Variants in RBFOX2 observed in about 807,000 individuals in gnomAD.
RBFOX2 encodes the protein RNA binding protein fox-1 homolog 2.
Under a neutral mutation model 49.1 loss-of-function variants are expected in RBFOX2, and 10 were observed. The observed-to-expected ratio is 0.20, with a 90% CI of 0.13 to 0.35. RBFOX2 has a LOEUF of 0.35. Among genes scored for constraint, RBFOX2 ranks in the 10% least tolerant of loss-of-function variants. RBFOX2 has a pLI of 1.00. For synonymous variants in RBFOX2, 183 were observed against 187.4 expected (o/e 0.98, Z 0.19); for missense variants, 323 against 486.9 (o/e 0.66, Z 3.17).
chr22:35,987,962 A>C (rs945718712), intron 1 of RBFOX2, among the ~76,000 whole-genome samples: 4 of 152,220 alleles, frequency 2.6e-5, no homozygotes, highest in Admixed American at 1.3e-4. Context: ...AATAAAACTT[A>C]TTCTGTAAAT....
intron 2 of RBFOX2, among the ~76,000 whole-genome samples, chr22:35,804,080 C>T (rs1161317167): frequency 6.6e-6 from 1 of 152,108 alleles, no homozygotes; most frequent in African/African-American, 2.4e-5. Flanking sequence ...GTGTTTGAGA[C>T]CAGCCTGGCC....
chr22:35,842,490 G>C (rs2040631293), upstream of RBFOX2, among the ~76,000 whole-genome samples: 3 of 152,120 alleles, frequency 2.0e-5, no homozygotes, highest in Non-Finnish European at 4.4e-5. Context: ...GCAGAAAATG[G>C]GCAGGTGAGT....
intron 4 of RBFOX2, among the ~76,000 whole-genome samples, chr22:35,769,031 T>C (rs1377006071): frequency 1.3e-5 from 2 of 152,228 alleles, no homozygotes; most frequent in African/African-American, 2.4e-5. Context: ...TGGTCAATTA[T>C]AACTTTTCTT....
intron 1 of RBFOX2, among the ~76,000 whole-genome samples, chr22:35,937,613 C>G (rs559806114): frequency 2.0e-5 from 3 of 152,214 alleles, no homozygotes; most frequent in Admixed American, 6.5e-5. Flanking sequence ...GTTTTTGAGA[C>G]AAAGTCTCGC....
chr22:35,967,346 C>T (rs2056620899), intron 1 of RBFOX2, among the ~76,000 whole-genome samples: 1 of 150,650 alleles, frequency 6.6e-6, no homozygotes, highest in Admixed American at 6.6e-5. Flanking sequence ...CCACCGCACT[C>T]TAGCCTGGGC....
At chr22:35,927,575 GCCGGGGCAA>G (rs1311591615) in intron 1 of RBFOX2, among the ~76,000 whole-genome samples, 3 of 139,100 alleles carry the variant, frequency 2.2e-5, no homozygotes, top group Admixed American at 8.1e-5. Context: ...TTGCACTCCA[GCCGGGGCAA>G]CAAGAGTGAA....
At chr22:35,952,390 C>CA (rs2055051184) in intron 1 of RBFOX2, among the ~76,000 whole-genome samples, 2 of 152,088 alleles carry the variant, frequency 1.3e-5, no homozygotes, top group South Asian at 2.1e-4. Flanking sequence ...GGAGACCCCC[C>CA]AAAAAAACCT....
Position 35,776,932 on chromosome 22 carries a change from T to C in RBFOX2, c.453+1093A>G, listed in dbSNP as rs531065516. Among the ~76,000 whole-genome samples, 18 of 152,312 alleles carry C rather than the reference T, an allele frequency of 1.2e-4. No homozygotes were observed. In the South Asian group the frequency reaches 2.5e-3, roughly 21 times the overall value. ...GTAAGTCTTTGCCATTCCCTTGTTC[T>C]TAAAAACATTGCTGTTTCTTTTAAT... On this transcript the variant is annotated intron_variant, in intron 4 of 11. Coordinates refer to ENST00000405409, the Ensembl canonical transcript of RBFOX2.
intron 1 of RBFOX2, among the ~76,000 whole-genome samples, chr22:35,880,149 A>AG (rs1229606546): frequency 6.6e-6 from 1 of 151,204 alleles, no homozygotes; most frequent in Non-Finnish European, 1.5e-5. Context: ...AGCGAGACTG[A>AG]GGAAAAAAAA....
chr22:35,846,849 T>A (rs1298772008), intron 1 of RBFOX2, among the ~76,000 whole-genome samples: 1 of 152,162 alleles, frequency 6.6e-6, no homozygotes, highest in Admixed American at 6.5e-5. Flanking sequence ...CCCTAAACCC[T>A]CAAATCAGGA....
In RBFOX2 at chr22:35,863,034, C is replaced by G. The variant is rs549038605; in HGVS notation, c.-33-53030G>C. ...TCTGAGGAATAAGTGGCCTCAACAG[C>G]AGGCAGAAAGCATATAAAGAACTAG... On this transcript the variant is annotated intron_variant, in intron 1 of 13. Transcript: ENST00000359369. Among the ~76,000 whole-genome samples the G allele has an allele frequency of 4.9e-4, 74 of 152,206 alleles. 1 individual carries two copies. Among genetic ancestry groups the G allele is most frequent in the South Asian group, 3.5e-3 (17 of 4,818 alleles).
At chr22:35,934,256 T>C (rs1011491279) in intron 1 of RBFOX2, among the ~76,000 whole-genome samples, 1 of 151,956 alleles carries the variant, frequency 6.6e-6, no homozygotes, top group Non-Finnish European at 1.5e-5. Flanking sequence ...CACATCTATA[T>C]ATAAGGATCT....
intron 1 of RBFOX2, among the ~76,000 whole-genome samples, chr22:35,834,405 T>C (rs994372309): frequency 6.6e-6 from 1 of 152,200 alleles, no homozygotes; most frequent in African/African-American, 2.4e-5. Context: ...TTCTACACAC[T>C]GGGAATACAA....
At chr22:35,867,838 T>C (rs1255774087) in intron 1 of RBFOX2, among the ~76,000 whole-genome samples, 1 of 152,122 alleles carries the variant, frequency 6.6e-6, no homozygotes, top group African/African-American at 2.4e-5. Flanking sequence ...AATATGACTA[T>C]CAAACAAAAG....
chr22:35,818,355 A>G (rs1460628048), intron 1 of RBFOX2, among the ~76,000 whole-genome samples: 1 of 152,248 alleles, frequency 6.6e-6, no homozygotes, highest in East Asian at 1.9e-4. Flanking sequence ...TAAATATTCT[A>G]TTCCAATGGA....
At chr22:35,775,916 A>C (rs1195193034) in intron 4 of RBFOX2, among the ~76,000 whole-genome samples, 4 of 152,022 alleles carry the variant, frequency 2.6e-5, no homozygotes, top group Non-Finnish European at 5.9e-5. Context: ...AAAGTCAATG[A>C]AAGAAGCCTT....
At chr22:36,015,207 T>C (rs2058986984) in intron 1 of RBFOX2, among the ~76,000 whole-genome samples, 1 of 152,264 alleles carries the variant, frequency 6.6e-6, no homozygotes. Context: ...AAGAGTCATG[T>C]ATGAAACTAT....
chr22:35,812,183 C>T (rs1952014074), intron 1 of RBFOX2, among the ~76,000 whole-genome samples: 1 of 151,468 alleles, frequency 6.6e-6, no homozygotes, highest in Non-Finnish European at 1.5e-5. Flanking sequence ...ATCGCTTGAA[C>T]TCAGGAGGAG....
intron 1 of RBFOX2, among the ~76,000 whole-genome samples, chr22:35,973,982 G>A (rs577606173): frequency 6.2e-4 from 95 of 152,310 alleles, no homozygotes; most frequent in Non-Finnish European, 9.0e-4. Flanking sequence ...TGGGGTTCCC[G>A]AAACAGCAGG....
Sources: gnomAD v4.1 joint callset for allele counts (sites outside exome capture counted in the v4.1 genomes callset) on GRCh38, gnomAD v4.1.1 for gene constraint, MANE v1.5 for transcripts, NCBI Gene and HGNC (gene_info 2026-07-23, HGNC 2026-07-21) for gene names.